Variants in TSGA10 observed in about 807,000 individuals in gnomAD.
TSGA10 encodes testis specific 10.
TSGA10 carries 43 observed loss-of-function variants against 96.6 expected under a neutral mutation model. That is an observed-to-expected ratio of 0.44 (90% CI 0.35 to 0.57). The LOEUF is 0.57. TSGA10 is among the 20% of genes least tolerant of loss of function. The pLI, the probability that TSGA10 is intolerant of heterozygous loss-of-function variation, is 0.01. For missense variants in TSGA10, 703 were observed against 834.4 expected (o/e 0.84, Z 1.94); for synonymous variants, 229 against 269.9 (o/e 0.85, Z 1.48).
chr2:99,080,133 A>C (rs904740842), intron 11 of TSGA10, among the ~76,000 whole-genome samples: 1 of 152,180 alleles, frequency 6.6e-6, no homozygotes. Flanking sequence ...AGAGACTTCT[A>C]TTCTTTTCTG....
rs1022311329 is a variant in TSGA10, at chr2:99,140,185, C to T, written c.-620-13009G>A. Among the ~76,000 whole-genome samples the T allele has an allele frequency of 2.0e-5, 3 of 152,300 alleles. No individual in the cohort carries two copies. The South Asian group carries it at 6.2e-4, about 32-fold the overall frequency. ...AATGTACCGTCCTAGTTATTTCCCA[C>T]TAATTAAGACTGAAGAGTTTGGCTC... On this transcript the variant is annotated intron_variant, in intron 1 of 20. Transcript: ENST00000393483.
intron 1 of TSGA10, among the ~76,000 whole-genome samples, chr2:99,137,998 A>G (rs1339742396): frequency 6.6e-6 from 1 of 152,080 alleles, no homozygotes; most frequent in Non-Finnish European, 1.5e-5. Context: ...GGTACCATCT[A>G]TGAACCAAAA....
chr2:99,005,900 A>G (rs1415183936), intron 20 of TSGA10, among the ~76,000 whole-genome samples: 1 of 152,220 alleles, frequency 6.6e-6, no homozygotes, highest in African/African-American at 2.4e-5. Flanking sequence ...CTATACTACA[A>G]GGCTACAGTA....
intron 7 of TSGA10, among the ~76,000 whole-genome samples, chr2:99,106,313 A>G (rs984073919): frequency 1.3e-5 from 2 of 152,198 alleles, no homozygotes; most frequent in Admixed American, 6.5e-5. Context: ...AGGAAAATAT[A>G]TAACTTCCCA....
chr2:99,064,534 T>C (rs752067444), intron 16 of TSGA10, among the ~76,000 whole-genome samples: 1 of 152,192 alleles, frequency 6.6e-6, no homozygotes, highest in Admixed American at 6.5e-5. Flanking sequence ...AGGAAAGTTA[T>C]GCACACCAGC....
Position 99,118,692 on chromosome 2 carries a change from A to G in TSGA10, c.-491-6T>C, listed in dbSNP as rs1455151793. The G allele has an allele frequency of 1.0e-6, 1 of 984,454 alleles. No individual in the cohort carries two copies. Among genetic ancestry groups the G allele is most frequent in the Non-Finnish European group, 1.2e-6 (1 of 829,212 alleles). 61.0% of individuals were successfully genotyped at this position (984,454 alleles called of 1,614,324 possible). A position where few individuals can be genotyped will look rare whatever the true frequency, so the allele number is the denominator to read the frequency against. ...TCACAAAGGTATCCAAATGCCTTTA[A>G]AGGAAAAAAAAAATTAGACCCATTG... is the stretch of plus-strand genomic sequence containing the variant. On this transcript the variant is annotated splice_polypyrimidine_tract_variant and splice_region_variant and intron_variant, in intron 2 of 20. Transcript: ENST00000393483.
chr2:99,106,977 T>C (rs1348745299), intron 7 of TSGA10, among the ~76,000 whole-genome samples: 3 of 152,212 alleles, frequency 2.0e-5, no homozygotes, highest in African/African-American at 7.2e-5. Flanking sequence ...CTCTCTCTAC[T>C]CCAGTCCCAC....
At chr2:99,081,865 C>T (rs952836146) in intron 10 of TSGA10, among the ~76,000 whole-genome samples, 6 of 111,906 alleles carry the variant, frequency 5.4e-5, no homozygotes, top group Non-Finnish European at 9.6e-5. Flanking sequence ...TTGTCAATTG[C>T]TGCTAGGCTC....
At position 99,068,870 on chromosome 2, in the gene TSGA10, GA is replaced by G. The variant is rs573036298; in HGVS notation, c.1218+17del. ...GAAAACTAAGTATCATGAGCAAAAA[GA>G]AAAAAAAAATACATACTTCAGACTT... On this transcript the variant is annotated intron_variant, in intron 15 of 20. Transcript: ENST00000393483. 4,060 of 1,185,672 alleles carry G rather than the reference GA, an allele frequency of 3.4e-3. 9 individuals are homozygous for G. The highest frequency in any genetic ancestry group is 0.018 in the East Asian group (604 of 32,820). The allele number at this position is 1,185,672 out of a possible 1,614,324, so 73.4% of individuals were successfully genotyped here.
intron 20 of TSGA10, among the ~76,000 whole-genome samples, chr2:99,005,736 T>G (rs1028325445): frequency 1.3e-5 from 2 of 151,304 alleles, no homozygotes; most frequent in Admixed American, 6.6e-5. Context: ...TTTATAGATT[T>G]AATGCCATCC....
At chr2:99,150,882 A>AG (rs763094198) in intron 1 of TSGA10, 14 of 1,263,892 alleles carry the variant, frequency 1.1e-5, no homozygotes, top group East Asian at 2.3e-5. Context: ...CCTTTGACTA[A>AG]GGGGGGTGTT....
chr2:99,022,969 T>C (rs964549226), intron 17 of TSGA10, among the ~76,000 whole-genome samples: 1 of 152,190 alleles, frequency 6.6e-6, no homozygotes, highest in Admixed American at 6.5e-5. Flanking sequence ...TTATGTATCT[T>C]ATGTAGAGAA....
chr2:99,149,221 C>T (rs2093663670), intron 1 of TSGA10, among the ~76,000 whole-genome samples: 1 of 151,334 alleles, frequency 6.6e-6, no homozygotes, highest in Non-Finnish European at 1.5e-5. Context: ...GTGGAATCTG[C>T]TCCAGATCTC....
chr2:99,116,653 A>C (rs2092283931), intron 4 of TSGA10, among the ~76,000 whole-genome samples: 1 of 152,106 alleles, frequency 6.6e-6, no homozygotes. Flanking sequence ...TGAAAAAAAA[A>C]CCTTCCTGAA....
chr2:99,127,422 G>A (rs1279164327), intron 1 of TSGA10, among the ~76,000 whole-genome samples: 4 of 152,050 alleles, frequency 2.6e-5, no homozygotes, highest in Non-Finnish European at 4.4e-5. Flanking sequence ...GGTAATCATG[G>A]TTCTACAGAA....
At chr2:99,090,184 T>G (rs1038635137) in intron 10 of TSGA10, among the ~76,000 whole-genome samples, 2 of 152,094 alleles carry the variant, frequency 1.3e-5, no homozygotes, top group African/African-American at 4.8e-5. Context: ...AGTTTGGCTA[T>G]CAGGAAGCCA....
chr2:99,121,953 AGT>A (rs2092595941), intron 2 of TSGA10, among the ~76,000 whole-genome samples: 2 of 152,170 alleles, frequency 1.3e-5, no homozygotes, highest in African/African-American at 4.8e-5. Context: ...TTTTTTATGA[AGT>A]GTGAGATTTA....
At position 99,105,345 on chromosome 2, in the gene TSGA10, T is replaced by C; in HGVS notation, c.459+14A>G. The C allele has an allele frequency of 4.5e-6, 7 of 1,539,340 alleles. No individual in the cohort carries two copies. Among genetic ancestry groups the C allele is most frequent in the Non-Finnish European group, 6.1e-6 (7 of 1,143,416 alleles). Reference sequence around the variant, plus strand: ...TTATAGCCAAAAGAGACTTTTCTTTTTTTTTTTTTTTACATTATGAACTGT... The same window carrying C: ...TTATAGCCAAAAGAGACTTTTCTTTCTTTTTTTTTTTACATTATGAACTGT... On this transcript the variant is annotated intron_variant, in intron 9 of 20. Transcript: ENST00000393483.
At chr2:99,062,945 A>G (rs143135588) in intron 16 of TSGA10, among the ~76,000 whole-genome samples, 1,631 of 152,346 alleles carry the variant, frequency 0.011, 9 homozygotes, top group Middle Eastern at 0.027. Flanking sequence ...CATCTGAGAC[A>G]GGTTAATAAG....
Sources: gnomAD v4.1 joint callset for allele counts (sites outside exome capture counted in the v4.1 genomes callset) on GRCh38, gnomAD v4.1.1 for gene constraint, MANE v1.5 for transcripts, NCBI Gene and HGNC (gene_info 2026-07-23, HGNC 2026-07-21) for gene names.